Variants in PRKG1 observed in about 807,000 individuals in gnomAD.
PRKG1 encodes the protein protein kinase cGMP-dependent 1.
A neutral mutation model predicts 88.1 loss-of-function variants in PRKG1; 35 were observed. The ratio of observed to expected loss-of-function variants is 0.40; its 90% CI spans 0.30 to 0.53. PRKG1 has a LOEUF of 0.53. Ranked by LOEUF, PRKG1 falls within the 20% of genes least tolerant of loss-of-function variation. The pLI is 0.59. For synonymous variants in PRKG1, 303 were observed against 292.5 expected (o/e 1.04, Z -0.37); for missense variants, 540 against 839.8 (o/e 0.64, Z 4.41).
chr10:52,247,030 CTTG>C lies in PRKG1; in HGVS notation c.1077-4535_1077-4533del, dbSNP rs1423682370. Reference sequence around the variant, plus strand: ...TGCCTTCTTCACACAACATACTTATCTTGTTGTATATTTGTATTGTGTGTTGTT... The same window carrying C: ...TGCCTTCTTCACACAACATACTTATCTTGTATATTTGTATTGTGTGTTGTT... On this transcript the variant is annotated intron_variant, in intron 9 of 17. Transcript: ENST00000373980. Among the ~76,000 whole-genome samples, 9 of 152,028 alleles carry C rather than the reference CTTG, an allele frequency of 5.9e-5. No homozygotes were observed. The East Asian group carries it at 1.5e-3, about 26-fold the overall frequency.
At chr10:51,743,304 T>G (rs7900712) in intron 3 of PRKG1, among the ~76,000 whole-genome samples, 25,375 of 151,974 alleles carry the variant, frequency 0.17, 2,234 homozygotes, top group South Asian at 0.22. Flanking sequence ...AACCCAGATA[T>G]GCTTTCTAGG....
chr10:51,984,876 C>T (rs1031360975), intron 5 of PRKG1, among the ~76,000 whole-genome samples: 5 of 152,226 alleles, frequency 3.3e-5, no homozygotes, highest in African/African-American at 1.2e-4. Context: ...CTTGGTAAGG[C>T]AAGGTCATGA....
intron 2 of PRKG1, among the ~76,000 whole-genome samples, chr10:51,376,166 T>TAC (rs897465032): frequency 6.6e-6 from 1 of 152,244 alleles, no homozygotes; most frequent in African/African-American, 2.4e-5. Context: ...CAAATGCTAC[T>TAC]ACAACAATGG....
intron 3 of PRKG1, among the ~76,000 whole-genome samples, chr10:51,761,318 T>C (rs1838016920): frequency 6.6e-6 from 1 of 152,252 alleles, no homozygotes; most frequent in South Asian, 2.1e-4. Flanking sequence ...GATGTCAATA[T>C]AGGCTGTGCC....
intron 9 of PRKG1, among the ~76,000 whole-genome samples, chr10:52,166,494 C>T (rs967460064): frequency 1.0e-4 from 13 of 130,488 alleles, no homozygotes; most frequent in South Asian, 2.4e-4. Flanking sequence ...AGTGCAGTGG[C>T]AGGATCTCGG....
At chr10:51,542,361 A>G (rs1842327015) in intron 3 of PRKG1, among the ~76,000 whole-genome samples, 1 of 152,082 alleles carries the variant, frequency 6.6e-6, no homozygotes, top group African/African-American at 2.4e-5. Flanking sequence ...ATTTTATCCC[A>G]CTAATAATCT....
At chr10:51,844,762 T>G (rs1840359407) in intron 4 of PRKG1, among the ~76,000 whole-genome samples, 1 of 152,092 alleles carries the variant, frequency 6.6e-6, no homozygotes, top group African/African-American at 2.4e-5. Context: ...AAAAGTTAAA[T>G]TCAAGATCAA....
intron 2 of PRKG1, among the ~76,000 whole-genome samples, chr10:51,212,141 G>C (rs1023488834): frequency 6.6e-5 from 10 of 152,070 alleles, no homozygotes; most frequent in Non-Finnish European, 1.5e-4. Flanking sequence ...GAACAGAACA[G>C]AGCCCTCAGA....
At chr10:52,224,411 A>C (rs56259294) in intron 9 of PRKG1, among the ~76,000 whole-genome samples, 35,492 of 151,490 alleles carry the variant, frequency 0.23, 4,343 homozygotes, top group Non-Finnish European at 0.26. Context: ...TTTTGTTCCC[A>C]CACTCCCTAG....
intron 5 of PRKG1, among the ~76,000 whole-genome samples, chr10:52,044,643 C>T (rs188030695): frequency 1.3e-5 from 2 of 152,260 alleles, no homozygotes; most frequent in African/African-American, 4.8e-5. Flanking sequence ...TATTTACATG[C>T]ACAAACCAAA....
At chr10:51,766,312 G>A (rs951065319) in intron 3 of PRKG1, among the ~76,000 whole-genome samples, 1 of 152,144 alleles carries the variant, frequency 6.6e-6, no homozygotes, top group South Asian at 2.1e-4. Flanking sequence ...TGTCCTCCTA[G>A]TGCGCATGCA....
At chr10:51,498,810 A>G (rs1840937705) in intron 3 of PRKG1, among the ~76,000 whole-genome samples, 1 of 152,160 alleles carries the variant, frequency 6.6e-6, no homozygotes. Context: ...CTTCTGCATT[A>G]CAGCAGTAGA....
intron 2 of PRKG1, among the ~76,000 whole-genome samples, chr10:51,368,769 G>A (rs377110714): frequency 1.3e-5 from 2 of 152,120 alleles, no homozygotes; most frequent in South Asian, 2.1e-4. Context: ...AATCAAAATC[G>A]TTTTGCCACA....
intron 3 of PRKG1, among the ~76,000 whole-genome samples, chr10:51,563,011 C>T (rs1269841094): frequency 2.0e-5 from 3 of 152,068 alleles, no homozygotes; most frequent in African/African-American, 7.2e-5. Flanking sequence ...AACTCCTGGT[C>T]TCAAGTGATC....
intron 3 of PRKG1, among the ~76,000 whole-genome samples, chr10:51,691,174 G>C (rs1304891761): frequency 6.6e-6 from 1 of 150,652 alleles, no homozygotes; most frequent in Non-Finnish European, 1.5e-5. Flanking sequence ...GCTCAGTATA[G>C]CTCATCAAAA....
At chr10:51,633,709 C>T (rs10998594) in intron 3 of PRKG1, among the ~76,000 whole-genome samples, 40,017 of 152,000 alleles carry the variant, frequency 0.26, 5,593 homozygotes, top group Admixed American at 0.31. Flanking sequence ...TTTGGGGAGT[C>T]AGAGCCGGCA....
At chr10:52,171,933 G>C (rs1265103145) in intron 9 of PRKG1, among the ~76,000 whole-genome samples, 3 of 149,878 alleles carry the variant, frequency 2.0e-5, no homozygotes, top group South Asian at 4.2e-4. Context: ...CTCCCGAGTA[G>C]CTGGGACTAC....
intron 3 of PRKG1, among the ~76,000 whole-genome samples, chr10:51,769,627 T>A (rs1838252028): frequency 6.6e-6 from 1 of 152,220 alleles, no homozygotes; most frequent in Non-Finnish European, 1.5e-5. Flanking sequence ...TCTTTTGTGA[T>A]GTCAATTTTT....
intron 2 of PRKG1, among the ~76,000 whole-genome samples, chr10:51,174,115 A>G (rs1465284550): frequency 6.6e-6 from 1 of 151,918 alleles, no homozygotes; most frequent in African/African-American, 2.4e-5. Context: ...ATGTGAGGTA[A>G]CGGATATATT....
Sources: gnomAD v4.1 joint callset for allele counts (sites outside exome capture counted in the v4.1 genomes callset) on GRCh38, gnomAD v4.1.1 for gene constraint, MANE v1.5 for transcripts, NCBI Gene and HGNC (gene_info 2026-07-23, HGNC 2026-07-21) for gene names.